Variants in HSD17B12 observed in about 807,000 individuals in gnomAD.
The protein encoded by HSD17B12 is hydroxysteroid 17-beta dehydrogenase 12.
Under a neutral mutation model 39.3 loss-of-function variants are expected in HSD17B12, and 32 were observed. That is an observed-to-expected ratio of 0.81 (90% CI 0.61 to 1.09). The LOEUF is 1.09. Among genes scored for constraint, HSD17B12 ranks in the 50% least tolerant of loss-of-function variants. The pLI is 0.00. For synonymous variants in HSD17B12, 150 were observed against 146.7 expected, an observed-to-expected ratio of 1.02 and a Z score of -0.16; for missense variants, 342 against 382.9, an observed-to-expected ratio of 0.89 and a Z score of 0.89.
At chr11:43,612,423 G>A in the HSD17B12 span, among the ~76,000 whole-genome samples, 3 of 152,088 alleles carry the variant, frequency 2.0e-5, no homozygotes, top group African/African-American at 7.2e-5. Context: ...GTTTGGTCTG[G>A]GCCAACCCAG....
chr11:43,755,769 G>A lies in HSD17B12; in HGVS notation c.283+1648G>A, dbSNP rs377454921. Among the ~76,000 whole-genome samples the A allele has an allele frequency of 9.9e-5, 15 of 152,268 alleles. No homozygotes were observed. The East Asian group carries it at 1.5e-3, about 16-fold the overall frequency. ...TGTTACTATTTCTTTCCAGACCATA[G>A]CTGGTCCTATTGGACAGATAGCTTC... On this transcript the variant is annotated intron_variant, in intron 3 of 10. Coordinates refer to ENST00000278353, the MANE Select transcript of HSD17B12 (RefSeq NM_016142.3).
Position 43,820,357 on chromosome 11 carries a change from C to T in HSD17B12, c.501+3966C>T, listed in dbSNP as rs1054102168. 7.2e-5 allele frequency among the ~76,000 whole-genome samples: 11 copies of T among 152,286 alleles called. No individual in the cohort carries two copies. The South Asian group carries it at 8.3e-4, about 11-fold the overall frequency. On this transcript the variant is annotated intron_variant, in intron 6 of 10. Transcript: ENST00000278353. ...ACTGAGAGAAAGGCATTCACCTTGACGAAATTTGTGTGACGCTCCCAGGTT... is the reference window on the plus strand; with the variant it reads ...ACTGAGAGAAAGGCATTCACCTTGATGAAATTTGTGTGACGCTCCCAGGTT...
At chr11:43,622,405 G>T in the HSD17B12 span, among the ~76,000 whole-genome samples, 4 of 151,248 alleles carry the variant, frequency 2.6e-5, no homozygotes, top group South Asian at 8.4e-4. Context: ...AACCAGTGTG[G>T]GCAATTAAAG....
chr11:43,624,399 C>A, the HSD17B12 span, among the ~76,000 whole-genome samples: 1 of 151,816 alleles, frequency 6.6e-6, no homozygotes, highest in Admixed American at 6.6e-5. Flanking sequence ...TTTCTAAGTA[C>A]CTTTCTTTTT....
At chr11:43,761,972 CAT>C (rs1202884906) in intron 3 of HSD17B12, among the ~76,000 whole-genome samples, 1 of 152,112 alleles carries the variant, frequency 6.6e-6, no homozygotes, top group Non-Finnish European at 1.5e-5. Flanking sequence ...TGGCAAAGAA[CAT>C]ATGGGATAGA....
At chr11:43,580,357 G>A in the HSD17B12 span, among the ~76,000 whole-genome samples, 1 of 139,738 alleles carries the variant, frequency 7.2e-6, no homozygotes, top group East Asian at 2.3e-4. Context: ...CTAGCATTCT[G>A]CAGAATGGGT....
the HSD17B12 span, among the ~76,000 whole-genome samples, chr11:43,617,482 G>A: frequency 6.6e-6 from 1 of 152,110 alleles, no homozygotes; most frequent in Non-Finnish European, 1.5e-5. Flanking sequence ...ATAGCCTTAG[G>A]ATGAGCTCTT....
At chr11:43,567,615 T>G in the HSD17B12 span, among the ~76,000 whole-genome samples, 4 of 152,180 alleles carry the variant, frequency 2.6e-5, no homozygotes, top group African/African-American at 9.6e-5. Flanking sequence ...ATCGCAGTTA[T>G]TCCGCCCTGC....
intron 1 of HSD17B12, among the ~76,000 whole-genome samples, chr11:43,713,684 T>C (rs1207689408): frequency 4.6e-5 from 7 of 152,164 alleles, no homozygotes; most frequent in Non-Finnish European, 1.0e-4. Context: ...TAGTTCTAGA[T>C]CCCTGAGGAA....
At chr11:43,574,574 C>A in the HSD17B12 span, among the ~76,000 whole-genome samples, 1 of 152,032 alleles carries the variant, frequency 6.6e-6, no homozygotes, top group Non-Finnish European at 1.5e-5. Context: ...AACCCTTTGT[C>A]ATGCTGAGGT....
At chr11:43,645,173 T>C in the HSD17B12 span, 1 of 152,236 alleles carries the variant, frequency 6.6e-6, no homozygotes, top group Non-Finnish European at 1.5e-5. Flanking sequence ...TGAAGCACCG[T>C]GTACTGATGT....
intron 1 of HSD17B12, among the ~76,000 whole-genome samples, chr11:43,687,366 A>C (rs1949811050): frequency 6.6e-6 from 1 of 152,226 alleles, no homozygotes; most frequent in Admixed American, 6.5e-5. Flanking sequence ...TAGACCTTAT[A>C]ATAGTCCAAT....
At chr11:43,840,977 C>T (rs1261908347) in intron 9 of HSD17B12, among the ~76,000 whole-genome samples, 3 of 152,174 alleles carry the variant, frequency 2.0e-5, no homozygotes, top group Non-Finnish European at 4.4e-5. Flanking sequence ...CACCAGTTTA[C>T]ACTTCCACTG....
chr11:43,778,347 C>T (rs1950730745), intron 3 of HSD17B12, among the ~76,000 whole-genome samples: 1 of 152,184 alleles, frequency 6.6e-6, no homozygotes, highest in Non-Finnish European at 1.5e-5. Context: ...TAATCAATAG[C>T]TTACCAACCA....
At chr11:43,619,227 TGA>T in the HSD17B12 span, among the ~76,000 whole-genome samples, 2 of 35,984 alleles carry the variant, frequency 5.6e-5, no homozygotes, top group Non-Finnish European at 1.2e-4. Context: ...TATATATATA[TGA>T]TATATATATA....
Position 43,762,152 on chromosome 11 carries a change from C to T in HSD17B12, c.283+8031C>T, listed in dbSNP as rs1322240672. On this transcript the variant is annotated intron_variant, in intron 3 of 10. Coordinates refer to ENST00000278353, the MANE Select transcript of HSD17B12 (RefSeq NM_016142.3). ...AATTTGCCCAAGTATGGCTAACTAC[C>T]ATGAGGGTTAGTGAAAAATTAAGAA... Among the ~76,000 whole-genome samples the T allele has an allele frequency of 2.6e-5, 4 of 151,520 alleles. No individual in the cohort carries two copies. The Admixed American group carries it at 2.6e-4, about 10-fold the overall frequency.
the HSD17B12 span, among the ~76,000 whole-genome samples, chr11:43,669,894 A>G: frequency 6.6e-6 from 1 of 152,156 alleles, no homozygotes; most frequent in Admixed American, 6.5e-5. Context: ...TTTTAGGGAG[A>G]TACACTGCAG....
chr11:43,828,615 A>T (rs576469777), intron 6 of HSD17B12, among the ~76,000 whole-genome samples: 4 of 151,950 alleles, frequency 2.6e-5, no homozygotes, highest in South Asian at 2.1e-4. Context: ...GTTAAGAGGA[A>T]CAAAAATTTT....
the HSD17B12 span, chr11:43,644,224 T>C: frequency 6.6e-6 from 1 of 152,222 alleles, no homozygotes; most frequent in Non-Finnish European, 1.5e-5. Context: ...GTGGGAGTTG[T>C]CGTAAAAGCC....
Sources: allele counts gnomAD v4.1 joint callset (sites outside exome capture counted in the v4.1 genomes callset), GRCh38; gene constraint gnomAD v4.1.1; transcripts MANE v1.5; gene names NCBI Gene and HGNC (gene_info 2026-07-23, HGNC 2026-07-21).